The following RUNDC3B variants were observed in gnomAD, a reference collection of about 807,000 sequenced individuals.
RUNDC3B encodes RUN domain containing 3B.
In RUNDC3B, 33 loss-of-function variants were observed where a neutral mutation model predicts 58.4. The ratio of observed to expected loss-of-function variants is 0.56; its 90% CI spans 0.43 to 0.75. The LOEUF is 0.75. RUNDC3B is among the 30% of genes least tolerant of loss of function. The pLI is 0.00. For synonymous variants in RUNDC3B, 193 were observed against 195.2 expected, an observed-to-expected ratio of 0.99 and a Z score of 0.10; for missense variants, 501 against 535.7, an observed-to-expected ratio of 0.94 and a Z score of 0.64.
At chr7:87,757,606 C>A (rs1042985203) in intron 6 of RUNDC3B, among the ~76,000 whole-genome samples, 10 of 152,000 alleles carry the variant, frequency 6.6e-5, no homozygotes, top group Admixed American at 2.6e-4. Flanking sequence ...AATCTATAGA[C>A]CCAATGTATT....
At chr7:87,736,877 ATATATATATATATTTTTTTTTT>A (rs1208978164) in intron 4 of RUNDC3B, among the ~76,000 whole-genome samples, 44 of 34,044 alleles carry the variant, frequency 1.3e-3, no homozygotes, top group African/African-American at 5.8e-3. Flanking sequence ...ATATATATAT[ATATATATATATATTTTTTTTTT>A]TTTTTTTTTT....
At chr7:87,767,059 C>T (rs1309461524) in intron 6 of RUNDC3B, among the ~76,000 whole-genome samples, 1 of 151,902 alleles carries the variant, frequency 6.6e-6, no homozygotes, top group Non-Finnish European at 1.5e-5. Context: ...TTTTGAAATT[C>T]CTTCAGCGAA....
intron 2 of RUNDC3B, among the ~76,000 whole-genome samples, chr7:87,691,315 A>G (rs1211985007): frequency 6.6e-6 from 1 of 152,168 alleles, no homozygotes; most frequent in Non-Finnish European, 1.5e-5. Flanking sequence ...GCATTCTTCT[A>G]TTGCATATCC....
chr7:87,680,242 T>C (rs1826792902), intron 2 of RUNDC3B, among the ~76,000 whole-genome samples: 1 of 150,572 alleles, frequency 6.6e-6, no homozygotes, highest in Non-Finnish European at 1.5e-5. Context: ...TTCCATGGTG[T>C]GTATGTGCCA....
chr7:87,740,492 A>G (rs1380473012), intron 5 of RUNDC3B, among the ~76,000 whole-genome samples: 1 of 152,126 alleles, frequency 6.6e-6, no homozygotes, highest in Non-Finnish European at 1.5e-5. Context: ...TTTACATTAT[A>G]TTGAAAGTAA....
chr7:87,766,439 C>A (rs117502888), intron 6 of RUNDC3B, among the ~76,000 whole-genome samples: 1 of 151,988 alleles, frequency 6.6e-6, no homozygotes, highest in South Asian at 2.1e-4. Context: ...CTAGTCTAAT[C>A]GTGATTAATT....
intron 6 of RUNDC3B, among the ~76,000 whole-genome samples, chr7:87,756,399 G>A (rs1355881830): frequency 6.6e-6 from 1 of 151,868 alleles, no homozygotes; most frequent in Non-Finnish European, 1.5e-5. Flanking sequence ...ATTAATCTAA[G>A]TGAATCATTA....
intron 10 of RUNDC3B, among the ~76,000 whole-genome samples, chr7:87,826,363 C>G (rs1350420031): frequency 1.3e-5 from 2 of 150,974 alleles, no homozygotes; most frequent in Non-Finnish European, 2.9e-5. Flanking sequence ...CACCTTCCAC[C>G]ATGATCATGA....
chr7:87,668,403 G>A (rs1474142055), intron 2 of RUNDC3B, among the ~76,000 whole-genome samples: 2 of 151,666 alleles, frequency 1.3e-5, no homozygotes, highest in Non-Finnish European at 1.5e-5. Flanking sequence ...CTAACTAGTG[G>A]CCTATTTTAT....
chr7:87,637,972 T>C (rs1402204306), intron 1 of RUNDC3B, among the ~76,000 whole-genome samples: 2 of 152,120 alleles, frequency 1.3e-5, no homozygotes, highest in Non-Finnish European at 2.9e-5. Flanking sequence ...TTAAATAGGA[T>C]GTTTGCAGTA....
chr7:87,740,198 T>C (rs187891239), intron 5 of RUNDC3B, among the ~76,000 whole-genome samples: 1 of 152,268 alleles, frequency 6.6e-6, no homozygotes, highest in East Asian at 1.9e-4. Flanking sequence ...ATTTTTCAGC[T>C]ACTGCTTTAA....
At chr7:87,761,331 G>A (rs1249258490) in intron 6 of RUNDC3B, among the ~76,000 whole-genome samples, 1 of 151,888 alleles carries the variant, frequency 6.6e-6, no homozygotes, top group Non-Finnish European at 1.5e-5. Context: ...AACATAATAA[G>A]TATTGGTGAG....
At chr7:87,772,336 C>G (rs1834330144) in intron 7 of RUNDC3B, among the ~76,000 whole-genome samples, 1 of 150,994 alleles carries the variant, frequency 6.6e-6, no homozygotes. Flanking sequence ...GAAAGCAGAG[C>G]AGAACTAAAA....
intron 2 of RUNDC3B, among the ~76,000 whole-genome samples, chr7:87,675,104 C>T (rs1826193855): frequency 6.6e-6 from 1 of 152,208 alleles, no homozygotes. Context: ...CCGCTCCTCA[C>T]TTGTTCAACT....
intron 8 of RUNDC3B, among the ~76,000 whole-genome samples, chr7:87,806,927 T>C (rs1365970428): frequency 6.6e-6 from 1 of 152,176 alleles, no homozygotes; most frequent in African/African-American, 2.4e-5. Flanking sequence ...TTTTTTTCAT[T>C]TTAATCACTT....
chr7:87,689,108 G>A (rs375405876), intron 2 of RUNDC3B, among the ~76,000 whole-genome samples: 1 of 151,894 alleles, frequency 6.6e-6, no homozygotes, highest in East Asian at 1.9e-4. Context: ...GGGGAAGGGG[G>A]ATTATCACAA....
chr7:87,824,919 A>T (rs1837715441), intron 10 of RUNDC3B, among the ~76,000 whole-genome samples: 1 of 152,240 alleles, frequency 6.6e-6, no homozygotes, highest in African/African-American at 2.4e-5. Context: ...GCAACAAAGC[A>T]TTCAAGAGTG....
chr7:87,752,838 A>G (rs1216810108), intron 6 of RUNDC3B, among the ~76,000 whole-genome samples: 3 of 151,856 alleles, frequency 2.0e-5, no homozygotes, highest in African/African-American at 7.3e-5. Context: ...TCCTGGATTC[A>G]TTAATTTTTT....
intron 6 of RUNDC3B, among the ~76,000 whole-genome samples, chr7:87,754,730 C>G (rs2130840685): frequency 6.6e-6 from 1 of 152,074 alleles, no homozygotes; most frequent in African/African-American, 2.4e-5. Context: ...CCAATAAACA[C>G]AATTAGAAAT....
Sources: allele counts gnomAD v4.1 joint callset (sites outside exome capture counted in the v4.1 genomes callset), GRCh38; gene constraint gnomAD v4.1.1; transcripts MANE v1.5; gene names NCBI Gene and HGNC (gene_info 2026-07-23, HGNC 2026-07-21).